Variants in SHANK2 observed in about 807,000 individuals in gnomAD.
SHANK2 encodes SH3 and multiple ankyrin repeat domains 2.
SHANK2 carries 43 observed loss-of-function variants against 133.7 expected under a neutral mutation model. That is an observed-to-expected ratio of 0.32 (90% CI 0.25 to 0.41). The LOEUF (loss-of-function observed/expected upper bound fraction) is 0.41. Among genes scored for constraint, SHANK2 ranks in the 10% least tolerant of loss-of-function variants. SHANK2 has a pLI of 1.00. For synonymous variants in SHANK2, 1,017 were observed against 952.8 expected (o/e 1.07, Z -1.24); for missense variants, 1,994 against 2,235.8 (o/e 0.89, Z 2.18).
chr11:70,877,973 T>G (rs1247424399), intron 11 of SHANK2, among the ~76,000 whole-genome samples: 1 of 152,190 alleles, frequency 6.6e-6, no homozygotes, highest in Non-Finnish European at 1.5e-5. Flanking sequence ...GAGAAGACGT[T>G]AACACCTGCC....
chr11:70,827,743 G>T (rs542076057), intron 11 of SHANK2, among the ~76,000 whole-genome samples: 1 of 146,008 alleles, frequency 6.8e-6, no homozygotes, highest in Non-Finnish European at 1.5e-5. Context: ...AGAGAAAGAC[G>T]AGACAAGACG....
At chr11:71,167,310 C>A (rs1820549030) in intron 2 of SHANK2, among the ~76,000 whole-genome samples, 1 of 152,134 alleles carries the variant, frequency 6.6e-6, no homozygotes. Flanking sequence ...GGGTACACCT[C>A]CCAGACGGGG....
At chr11:70,940,623 C>A (rs1387384651) in intron 10 of SHANK2, among the ~76,000 whole-genome samples, 1 of 151,984 alleles carries the variant, frequency 6.6e-6, no homozygotes, top group Non-Finnish European at 1.5e-5. Flanking sequence ...TCTGATAATT[C>A]CCCCCAGAAC....
chr11:70,823,046 C>T (rs11237616), intron 11 of SHANK2, among the ~76,000 whole-genome samples: 4 of 63,904 alleles, frequency 6.3e-5, no homozygotes, highest in Admixed American at 1.8e-4. Context: ...TTGGCAGAGC[C>T]CACGGGGGAC....
At chr11:70,801,328 G>A (rs1555050449) in intron 13 of SHANK2, among the ~76,000 whole-genome samples, 4 of 152,228 alleles carry the variant, frequency 2.6e-5, no homozygotes, top group Non-Finnish European at 5.9e-5. Context: ...CCCCCAACAC[G>A]GGGAGCCTTC....
At chr11:70,646,467 G>A (rs1225896001) in intron 17 of SHANK2, among the ~76,000 whole-genome samples, 1 of 152,212 alleles carries the variant, frequency 6.6e-6, no homozygotes, top group Non-Finnish European at 1.5e-5. Context: ...CTCAGCCCAT[G>A]TTTTCCCTCC....
chr11:70,803,775 C>A (rs1230350309), intron 13 of SHANK2, among the ~76,000 whole-genome samples: 7 of 149,762 alleles, frequency 4.7e-5, no homozygotes, highest in African/African-American at 1.7e-4. Flanking sequence ...AAGAATGTGC[C>A]AGGCACAGTG....
chr11:70,582,298 G>A (rs1481503479), intron 17 of SHANK2, among the ~76,000 whole-genome samples: 1 of 152,244 alleles, frequency 6.6e-6, no homozygotes, highest in Non-Finnish European at 1.5e-5. Context: ...CCTCCAAGCC[G>A]CTAACTCTAC....
At chr11:70,791,188 C>T (rs1555047921) in intron 14 of SHANK2, among the ~76,000 whole-genome samples, 1 of 152,190 alleles carries the variant, frequency 6.6e-6, no homozygotes, top group African/African-American at 2.4e-5. Flanking sequence ...CTTCCAACTC[C>T]TAACTGATCA....
intron 8 of SHANK2, among the ~76,000 whole-genome samples, chr11:71,077,717 AG>A (rs1419694537): frequency 2.0e-5 from 3 of 151,890 alleles, no homozygotes; most frequent in Non-Finnish European, 2.9e-5. Context: ...CAGGGGGGTG[AG>A]GGGGATCCAA....
intron 17 of SHANK2, among the ~76,000 whole-genome samples, chr11:70,617,058 G>C (rs1238509440): frequency 1.3e-5 from 2 of 151,732 alleles, no homozygotes; most frequent in African/African-American, 4.8e-5. Flanking sequence ...TGTAGGTGTG[G>C]CAGTGTCTGA....
intron 8 of SHANK2, among the ~76,000 whole-genome samples, chr11:71,085,761 TAA>T (rs1951388007): frequency 1.3e-5 from 1 of 78,274 alleles, no homozygotes; most frequent in African/African-American, 5.3e-5. Flanking sequence ...TTATGTTATA[TAA>T]TATATATTAT....
At chr11:70,802,583 T>G (rs902815210) in intron 13 of SHANK2, among the ~76,000 whole-genome samples, 1 of 152,206 alleles carries the variant, frequency 6.6e-6, no homozygotes, top group Non-Finnish European at 1.5e-5. Context: ...AAACCATGCA[T>G]GGTGTTCTTG....
intron 17 of SHANK2, among the ~76,000 whole-genome samples, chr11:70,591,842 C>T (rs1302453894): frequency 6.6e-6 from 1 of 151,928 alleles, no homozygotes; most frequent in African/African-American, 2.4e-5. Context: ...AAGGGTGAAA[C>T]CTCATCTCTA....
At chr11:71,102,170 T>C (rs1221942221) in intron 6 of SHANK2, among the ~76,000 whole-genome samples, 1 of 152,176 alleles carries the variant, frequency 6.6e-6, no homozygotes, top group African/African-American at 2.4e-5. Context: ...TCGCTTCCTG[T>C]TTGGGGCTTG....
At chr11:71,064,313 G>A (rs1951020668) in intron 9 of SHANK2, among the ~76,000 whole-genome samples, 1 of 152,230 alleles carries the variant, frequency 6.6e-6, no homozygotes, top group Admixed American at 6.5e-5. Context: ...GGCAAGCTGA[G>A]TCCTGGGATG....
intron 17 of SHANK2, among the ~76,000 whole-genome samples, chr11:70,607,488 G>A (rs2060594193): frequency 1.3e-5 from 2 of 152,172 alleles, no homozygotes; most frequent in South Asian, 4.1e-4. Context: ...CTGCCCTCAG[G>A]TGCCCATTCT....
intron 17 of SHANK2, among the ~76,000 whole-genome samples, chr11:70,649,084 G>A (rs1282437813): frequency 3.3e-5 from 5 of 152,146 alleles, no homozygotes; most frequent in African/African-American, 4.8e-5. Flanking sequence ...CAATGGCGAC[G>A]TTCATCTCCT....
chr11:70,584,101 C>A (rs1322653714), intron 17 of SHANK2, among the ~76,000 whole-genome samples: 1 of 152,224 alleles, frequency 6.6e-6, no homozygotes, highest in Non-Finnish European at 1.5e-5. Flanking sequence ...CTGCCTGTGA[C>A]TCGGGTCTAC....
Sources: gnomAD v4.1 joint callset for allele counts (sites outside exome capture counted in the v4.1 genomes callset) on GRCh38, gnomAD v4.1.1 for gene constraint, MANE v1.5 for transcripts, NCBI Gene and HGNC (gene_info 2026-07-23, HGNC 2026-07-21) for gene names.